The following RP1 variants were observed in gnomAD, a reference collection of about 807,000 sequenced individuals.
RP1 encodes the protein oxygen-regulated protein 1.
A neutral mutation model predicts 14.8 loss-of-function variants in RP1; 16 were observed. That is an observed-to-expected ratio of 1.08 (90% CI 0.73 to 1.65). The LOEUF (loss-of-function observed/expected upper bound fraction) is 1.65. Among genes scored for constraint, RP1 ranks in the 40% most tolerant of loss-of-function variants. The pLI is 0.00. For missense variants in RP1, 2,631 were observed against 2,535.0 expected (o/e 1.04, Z -0.81); for synonymous variants, 876 against 883.6 (o/e 0.99, Z 0.15).
chr8:54,867,821 A>G (rs1812492905), intron 28 of RP1, among the ~76,000 whole-genome samples: 1 of 152,198 alleles, frequency 6.6e-6, no homozygotes, highest in Non-Finnish European at 1.5e-5. Flanking sequence ...CTAGTCACAT[A>G]TGGCTAATTA....
rs771667201 is a variant in RP1, at chr8:54,759,075, A to C, written c.3247A>C (p.Arg1083=). The change falls in exon 22 of 23, where the codon AGA becomes CGA. Residue 1083 remains arginine, a splice_region_variant and synonymous_variant. Transcript: ENST00000636932. ...ATCCGAGTCCATCTTTACCTGTCAA[A>C]GGTAATGCTGGTCTCCAAGATACTT... 2.0e-6 allele frequency: 3 copies of C among 1,533,928 alleles called. No individual in the cohort carries two copies. The Admixed American group carries it at 5.9e-5, about 30-fold the overall frequency.
At chr8:54,594,980 A>C (rs184754746) in intron 1 of RP1, among the ~76,000 whole-genome samples, 390 of 152,298 alleles carry the variant, frequency 2.6e-3, no homozygotes, top group Non-Finnish European at 4.8e-3. Context: ...ATCTCAAGTC[A>C]GTTTAAAATA....
chr8:54,792,257 AT>A (rs528267196), intron 24 of RP1, among the ~76,000 whole-genome samples: 74 of 152,142 alleles, frequency 4.9e-4, no homozygotes, highest in African/African-American at 1.7e-3. Context: ...CAACAATATT[AT>A]AATAGTAAGG....
At chr8:54,679,008 T>C (rs1807362096) in intron 9 of RP1, among the ~76,000 whole-genome samples, 1 of 152,178 alleles carries the variant, frequency 6.6e-6, no homozygotes, top group African/African-American at 2.4e-5. Flanking sequence ...GCTTTTTTTT[T>C]TCTTTGACAC....
intron 19 of RP1, among the ~76,000 whole-genome samples, chr8:54,754,103 G>A (rs1809440648): frequency 1.3e-5 from 2 of 152,182 alleles, no homozygotes; most frequent in African/African-American, 4.8e-5. Flanking sequence ...GTGTGGAACA[G>A]CCACCAAAGG....
chr8:54,583,945 A>T (rs1804856661), intron 1 of RP1, among the ~76,000 whole-genome samples: 1 of 152,098 alleles, frequency 6.6e-6, no homozygotes, highest in East Asian at 1.9e-4. Context: ...TCTTTTCAAA[A>T]AACCAGCTCC....
chr8:54,560,571 A>AGCAGGTC (rs1236553816), intron 1 of RP1: 1 of 152,020 alleles, frequency 6.6e-6, no homozygotes, highest in East Asian at 2.0e-4. Context: ...ATAAGTGAGA[A>AGCAGGTC]GCAGGTCACA....
At chr8:54,782,197 T>A (rs1252426697) in intron 23 of RP1, among the ~76,000 whole-genome samples, 1 of 152,182 alleles carries the variant, frequency 6.6e-6, no homozygotes, top group Non-Finnish European at 1.5e-5. Flanking sequence ...GAACTGTAGT[T>A]CCTGAAAGCT....
At chr8:54,843,993 C>A (rs2129405586) in intron 25 of RP1, among the ~76,000 whole-genome samples, 1 of 152,362 alleles carries the variant, frequency 6.6e-6, no homozygotes, top group African/African-American at 2.4e-5. Flanking sequence ...TGTTGACTAA[C>A]AATATTGTGT....
chr8:54,692,053 G>A (rs1807727115), intron 12 of RP1, among the ~76,000 whole-genome samples: 1 of 151,816 alleles, frequency 6.6e-6, no homozygotes, highest in African/African-American at 2.4e-5. Flanking sequence ...ACCTATGAGT[G>A]AGAACATGTG....
chr8:54,622,560 A>T (rs1041340117), intron 3 of RP1, among the ~76,000 whole-genome samples: 11 of 152,226 alleles, frequency 7.2e-5, no homozygotes, highest in Admixed American at 6.5e-5. Context: ...TTAAAAAAAT[A>T]AAAATGCCAG....
intron 24 of RP1, among the ~76,000 whole-genome samples, chr8:54,810,891 C>T (rs1467033329): frequency 6.6e-6 from 1 of 152,112 alleles, no homozygotes; most frequent in Non-Finnish European, 1.5e-5. Flanking sequence ...TTTGTTTTTG[C>T]CACCCCAAGT....
intron 1 of RP1, among the ~76,000 whole-genome samples, chr8:54,619,099 T>C (rs1805796383): frequency 6.6e-6 from 1 of 152,212 alleles, no homozygotes; most frequent in Admixed American, 6.5e-5. Context: ...CTGACTCCAT[T>C]GCGAAGCTGG....
chr8:54,615,922 G>A (rs1460372486), upstream of RP1: 4 of 152,088 alleles, frequency 2.6e-5, no homozygotes, highest in East Asian at 7.7e-4. Context: ...AAGATGCAAG[G>A]GAAACCTTCA....
At chr8:54,738,371 C>A (rs1385144593) in intron 18 of RP1, among the ~76,000 whole-genome samples, 2 of 152,112 alleles carry the variant, frequency 1.3e-5, no homozygotes, top group African/African-American at 4.8e-5. Flanking sequence ...TTAACAAATA[C>A]TCTTGGGCCA....
At chr8:54,692,287 G>A (rs1000163653) in intron 12 of RP1, among the ~76,000 whole-genome samples, 1 of 149,428 alleles carries the variant, frequency 6.7e-6, no homozygotes, top group Non-Finnish European at 1.5e-5. Flanking sequence ...ACATGTGCAT[G>A]TGTCTTTATA....
At chr8:54,613,736 G>T (rs1257002793), upstream of RP1, among the ~76,000 whole-genome samples, 1 of 152,116 alleles carries the variant, frequency 6.6e-6, no homozygotes, top group Non-Finnish European at 1.5e-5. Context: ...TGAAAGGCAG[G>T]GTGTCTGGGT....
intron 24 of RP1, among the ~76,000 whole-genome samples, chr8:54,833,301 T>A (rs1400295028): frequency 1.3e-5 from 2 of 151,946 alleles, no homozygotes; most frequent in African/African-American, 2.4e-5. Flanking sequence ...CAAAAAGCTA[T>A]ACAAATATAG....
At chr8:54,866,200 C>G (rs1247207315) in intron 28 of RP1, among the ~76,000 whole-genome samples, 1 of 152,166 alleles carries the variant, frequency 6.6e-6, no homozygotes, top group Non-Finnish European at 1.5e-5. Context: ...GTTTCTAAAA[C>G]ACATGCTAAG....
Sources: gnomAD v4.1 joint callset for allele counts (sites outside exome capture counted in the v4.1 genomes callset) on GRCh38, gnomAD v4.1.1 for gene constraint, MANE v1.5 for transcripts, NCBI Gene and HGNC (gene_info 2026-07-23, HGNC 2026-07-21) for gene names.